The following KCNH7 variants were observed in gnomAD, a reference collection of about 807,000 sequenced individuals.
The protein encoded by KCNH7 is voltage-gated inwardly rectifying potassium channel KCNH7.
KCNH7 carries 49 observed loss-of-function variants against 120.8 expected under a neutral mutation model. That is an observed-to-expected ratio of 0.41 (90% CI 0.32 to 0.51). The LOEUF (loss-of-function observed/expected upper bound fraction) is 0.51. KCNH7 is among the 20% of genes least tolerant of loss of function. The probability of loss-of-function intolerance (pLI) is 0.38; values close to 1 mark genes in which losing one functional copy is unlikely to be tolerated. For synonymous variants in KCNH7, 547 were observed against 516.1 expected (o/e 1.06, Z -0.81); for missense variants, 1,097 against 1,446.6 (o/e 0.76, Z 3.92).
chr2:162,560,119 G>T (rs936209184), intron 2 of KCNH7, among the ~76,000 whole-genome samples: 1 of 152,184 alleles, frequency 6.6e-6, no homozygotes, highest in Non-Finnish European at 1.5e-5. Context: ...AATAATTCTT[G>T]CGTGGCAACT....
chr2:162,659,399 T>C (rs556665154), intron 2 of KCNH7, among the ~76,000 whole-genome samples: 2 of 151,832 alleles, frequency 1.3e-5, no homozygotes, highest in Non-Finnish European at 2.9e-5. Flanking sequence ...TGGAGTGCAG[T>C]AGCACAATCT....
chr2:162,650,233 C>G (rs1367843830), intron 2 of KCNH7, among the ~76,000 whole-genome samples: 1 of 152,026 alleles, frequency 6.6e-6, no homozygotes, highest in Non-Finnish European at 1.5e-5. Context: ...CCACACTTCT[C>G]CATGGTCAAA....
intron 2 of KCNH7, among the ~76,000 whole-genome samples, chr2:162,611,539 TAGAG>T (rs1270375783): frequency 1.3e-5 from 2 of 152,130 alleles, no homozygotes; most frequent in Non-Finnish European, 2.9e-5. Context: ...GAACATTACT[TAGAG>T]GGATTAATTG....
chr2:162,435,157 TTA>T (rs754558880), intron 8 of KCNH7, 39 bp downstream of exon 8: 11 of 1,512,084 alleles, frequency 7.3e-6, no homozygotes, highest in Non-Finnish European at 9.9e-6. Flanking sequence ...TTTCAAGGTA[TTA>T]TTCTATCCTA....
chr2:162,517,208 G>C (rs1434142562), intron 4 of KCNH7, among the ~76,000 whole-genome samples: 4 of 151,658 alleles, frequency 2.6e-5, no homozygotes, highest in African/African-American at 9.7e-5. Context: ...AGGACTTTCA[G>C]GATTTTTTTC....
intron 2 of KCNH7, among the ~76,000 whole-genome samples, chr2:162,766,947 C>T (rs982611622): frequency 6.7e-6 from 1 of 150,144 alleles, no homozygotes; most frequent in African/African-American, 2.5e-5. Flanking sequence ...GAGTAGAATG[C>T]TCTGTACATT....
chr2:162,689,976 T>C (rs539761980), intron 2 of KCNH7, among the ~76,000 whole-genome samples: 23 of 152,218 alleles, frequency 1.5e-4, no homozygotes, highest in African/African-American at 5.1e-4. Context: ...AAGGAATCAA[T>C]TTAAATGCTC....
chr2:162,512,853 AAT>A (rs1187435186), intron 4 of KCNH7, among the ~76,000 whole-genome samples, 179 bp from the exon 5 acceptor site: 1 of 151,798 alleles, frequency 6.6e-6, no homozygotes, highest in Non-Finnish European at 1.5e-5. Flanking sequence ...ATATACTAAA[AAT>A]AGTATCTGTC....
intron 9 of KCNH7, among the ~76,000 whole-genome samples, chr2:162,403,015 C>T (rs1327172041): frequency 6.6e-6 from 1 of 151,844 alleles, no homozygotes; most frequent in Admixed American, 6.6e-5. Flanking sequence ...AAATCAGTTT[C>T]TTTTTTTGGG....
At chr2:162,441,047 C>G (rs1688400202) in intron 7 of KCNH7, among the ~76,000 whole-genome samples, 1 of 152,018 alleles carries the variant, frequency 6.6e-6, no homozygotes, top group Non-Finnish European at 1.5e-5. Flanking sequence ...AATTTTTCCA[C>G]TGGGGATCTC....
intron 2 of KCNH7, among the ~76,000 whole-genome samples, chr2:162,813,079 C>T (rs1229144939): frequency 6.6e-6 from 1 of 152,114 alleles, no homozygotes; most frequent in Non-Finnish European, 1.5e-5. Context: ...TATTCTCCCT[C>T]TGAAATTTAG....
intron 5 of KCNH7, among the ~76,000 whole-genome samples, chr2:162,507,864 GT>G (rs536259870): frequency 2.6e-5 from 4 of 151,420 alleles, no homozygotes; most frequent in Non-Finnish European, 5.9e-5. Flanking sequence ...TTCAATGGTA[GT>G]TTTGATTATG....
intron 2 of KCNH7, among the ~76,000 whole-genome samples, chr2:162,700,902 T>C (rs942711825): frequency 6.6e-6 from 1 of 152,208 alleles, no homozygotes; most frequent in African/African-American, 2.4e-5. Context: ...CTTATTAAAA[T>C]AGTTAAATAT....
At chr2:162,561,729 C>T (rs914921953) in intron 2 of KCNH7, among the ~76,000 whole-genome samples, 51 of 152,080 alleles carry the variant, frequency 3.4e-4, no homozygotes, top group Middle Eastern at 3.4e-3. Context: ...GCCCACTTTC[C>T]GATGGCATTC....
chr2:162,580,861 C>T (rs1398176313), intron 2 of KCNH7, among the ~76,000 whole-genome samples: 3 of 151,924 alleles, frequency 2.0e-5, no homozygotes, highest in Admixed American at 6.6e-5. Flanking sequence ...TAGAGAGAAA[C>T]CTTCATAATT....
At chr2:162,665,455 A>G (rs1685101655) in intron 2 of KCNH7, among the ~76,000 whole-genome samples, 1 of 152,128 alleles carries the variant, frequency 6.6e-6, no homozygotes, top group Non-Finnish European at 1.5e-5. Flanking sequence ...TCACTAACAT[A>G]TTTTTTATGT....
intron 2 of KCNH7, among the ~76,000 whole-genome samples, chr2:162,693,091 T>C (rs1446457442): frequency 7.1e-6 from 1 of 140,422 alleles, no homozygotes; most frequent in African/African-American, 3.3e-5. Context: ...ACTGAATAAA[T>C]GGGGAAAAAA....
At chr2:162,484,394 T>A (rs531388797) in intron 6 of KCNH7, among the ~76,000 whole-genome samples, 9 of 152,272 alleles carry the variant, frequency 5.9e-5, no homozygotes, top group Admixed American at 5.2e-4. Context: ...TCCTGTATGC[T>A]AAGGAGCACA....
At chr2:162,648,099 G>T (rs1836524) in intron 2 of KCNH7, among the ~76,000 whole-genome samples, 21,145 of 152,076 alleles carry the variant, frequency 0.14, 1,718 homozygotes, top group East Asian at 0.32. Flanking sequence ...TAACACTGTA[G>T]TAGTCCATTC....
Sources: gnomAD v4.1 joint callset for allele counts (sites outside exome capture counted in the v4.1 genomes callset) on GRCh38, gnomAD v4.1.1 for gene constraint, MANE v1.5 for transcripts, NCBI Gene and HGNC (gene_info 2026-07-23, HGNC 2026-07-21) for gene names.